The following KIAA2012 variants were observed in gnomAD, a reference collection of about 807,000 sequenced individuals.
The protein encoded by KIAA2012 is uncharacterized protein KIAA2012.
A neutral mutation model predicts 150.6 loss-of-function variants in KIAA2012; 125 were observed. The observed-to-expected ratio is 0.83, with a 90% CI of 0.72 to 0.96. KIAA2012 has a LOEUF of 0.96. Ranked by LOEUF, KIAA2012 falls within the 40% of genes least tolerant of loss-of-function variation. The pLI is 0.00. For missense variants in KIAA2012, 1,219 were observed against 1,354.9 expected (o/e 0.90, Z 1.57); for synonymous variants, 462 against 504.7 (o/e 0.92, Z 1.13).
At chr2:202,095,853 G>A (rs1208467391) in intron 4 of KIAA2012, among the ~76,000 whole-genome samples, 2 of 152,172 alleles carry the variant, frequency 1.3e-5, no homozygotes, top group African/African-American at 4.8e-5. Flanking sequence ...GTAGGTTGAG[G>A]CGGGTGGATC....
chr2:202,125,727 C>G (rs1690767154), intron 12 of KIAA2012: 7 of 381,972 alleles, frequency 1.8e-5, no homozygotes, highest in South Asian at 1.4e-4. Flanking sequence ...GAGGCCAGGT[C>G]TGCCTCTCCT....
At chr2:202,115,516 C>G (rs1422176295) in intron 11 of KIAA2012, 1 of 152,160 alleles carries the variant, frequency 6.6e-6, no homozygotes, top group Non-Finnish European at 1.5e-5. Flanking sequence ...ACACAGCTGC[C>G]TAGATGTAGC....
chr2:202,086,168 A>AAC (rs1689564132), intron 2 of KIAA2012, among the ~76,000 whole-genome samples: 1 of 9,322 alleles, frequency 1.1e-4, no homozygotes, highest in Admixed American at 1.3e-3. Context: ...ACTCTGTCTC[A>AAC]AAAAAAAAAA....
chr2:202,108,917 A>G (rs1690272005), intron 9 of KIAA2012, among the ~76,000 whole-genome samples: 1 of 152,240 alleles, frequency 6.6e-6, no homozygotes, highest in Non-Finnish European at 1.5e-5. Flanking sequence ...CCTCTGAAAG[A>G]GGTGAAGCCG....
intron 14 of KIAA2012, among the ~76,000 whole-genome samples, chr2:202,156,877 T>G (rs1691539789): frequency 6.6e-6 from 1 of 152,176 alleles, no homozygotes; most frequent in Non-Finnish European, 1.5e-5. Flanking sequence ...AGAGTGAGAC[T>G]CTGTCTCAAA....
Position 202,100,242 on chromosome 2 carries a change from A to G in KIAA2012, c.1013-65A>G. 4 of 1,485,520 alleles carry G rather than the reference A, an allele frequency of 2.7e-6. No homozygotes were observed. In the South Asian group the frequency reaches 5.1e-5, roughly 19 times the overall value. 92.0% of individuals were successfully genotyped at this position (1,485,520 alleles called of 1,614,324 possible). Reference sequence around the variant, plus strand: ...CATTAACTACGACGTGATAAAAGTCAAAACTCAACTGTTCATCCCCCTACC... The same window carrying G: ...CATTAACTACGACGTGATAAAAGTCGAAACTCAACTGTTCATCCCCCTACC... On this transcript the variant is annotated intron_variant, in intron 6 of 23. Coordinates refer to ENST00000498697, the MANE Select transcript of KIAA2012 (RefSeq NM_001277372.4).
intron 13 of KIAA2012, among the ~76,000 whole-genome samples, chr2:202,148,292 C>T (rs1045214378): frequency 2.6e-5 from 4 of 152,130 alleles, no homozygotes; most frequent in African/African-American, 9.7e-5. Flanking sequence ...GTTTCTCTTC[C>T]GAGGCTCATG....
chr2:202,125,877 T>TTTCTC (rs1371957468), intron 12 of KIAA2012: 2 of 448,924 alleles, frequency 4.5e-6, no homozygotes, highest in Non-Finnish European at 4.5e-6. Context: ...ACCTGGAGAC[T>TTTCTC]TTCTCTCCTA....
chr2:202,160,734 A>G (rs1049064463), intron 14 of KIAA2012, among the ~76,000 whole-genome samples: 9 of 152,264 alleles, frequency 5.9e-5, no homozygotes, highest in Admixed American at 2.0e-4. Flanking sequence ...TTTAGAAAGT[A>G]TTGAAATTAG....
At chr2:202,154,627 G>A (rs1367473295) in intron 13 of KIAA2012, 46 bp from the exon 14 acceptor site, 2 of 1,500,954 alleles carry the variant, frequency 1.3e-6, no homozygotes, top group East Asian at 2.5e-5. Context: ...TTGTTGCACT[G>A]TATATCATTC....
At chr2:202,157,643 G>C (rs1394891321) in intron 14 of KIAA2012, among the ~76,000 whole-genome samples, 1 of 152,172 alleles carries the variant, frequency 6.6e-6, no homozygotes, top group Non-Finnish European at 1.5e-5. Context: ...CCATTTTACA[G>C]ATGAGAAAAC....
At chr2:202,135,084 C>A (rs1691033235) in intron 12 of KIAA2012, among the ~76,000 whole-genome samples, 1 of 152,140 alleles carries the variant, frequency 6.6e-6, no homozygotes, top group Non-Finnish European at 1.5e-5. Context: ...TCTAAAACTG[C>A]CTGATTATCT....
intron 22 of KIAA2012, chr2:202,197,862 T>TA (rs71025286): frequency 0.34 from 39,104 of 113,690 alleles, 6,974 homozygotes; most frequent in East Asian, 0.53. Context: ...AGACTCTCTT[T>TA]AAAAAAAAAA....
chr2:202,177,674 C>G (rs539115339), intron 15 of KIAA2012, among the ~76,000 whole-genome samples: 1 of 152,310 alleles, frequency 6.6e-6, no homozygotes, highest in East Asian at 1.9e-4. Context: ...GTGTGCATCA[C>G]TGTGCCCAGC....
chr2:202,135,934 T>C, intron 12 of KIAA2012: 1 of 230,552 alleles, frequency 4.3e-6, no homozygotes, highest in Non-Finnish European at 9.3e-6. Context: ...GGTGTGCCCT[T>C]GAGCCAATTG....
chr2:202,079,538 G>A (rs1426997107), intron 2 of KIAA2012, among the ~76,000 whole-genome samples: 3 of 152,136 alleles, frequency 2.0e-5, no homozygotes, highest in Non-Finnish European at 4.4e-5. Context: ...CAACTCCCTG[G>A]ATCTGACAGC....
intron 10 of KIAA2012, among the ~76,000 whole-genome samples, chr2:202,112,836 A>G (rs1690407597): frequency 6.6e-6 from 1 of 152,240 alleles, no homozygotes; most frequent in South Asian, 2.1e-4. Context: ...AGGGAGACAC[A>G]GCATCCTTCA....
chr2:202,083,377 C>A, intron 2 of KIAA2012, among the ~76,000 whole-genome samples: 1 of 150,550 alleles, frequency 6.6e-6, no homozygotes, highest in Non-Finnish European at 1.5e-5. Context: ...CTCCCTCCCA[C>A]CCTGCCCCGA....
chr2:202,111,340 CAAA>C (rs67625607), intron 10 of KIAA2012, among the ~76,000 whole-genome samples: 1 of 83,818 alleles, frequency 1.2e-5, no homozygotes, highest in Non-Finnish European at 2.2e-5. Flanking sequence ...ACTAAAAATA[CAAA>C]AAAAAAAAAA....
Sources: allele counts gnomAD v4.1 joint callset (sites outside exome capture counted in the v4.1 genomes callset), GRCh38; gene constraint gnomAD v4.1.1; transcripts MANE v1.5; gene names NCBI Gene and HGNC (gene_info 2026-07-23, HGNC 2026-07-21).